Variants in SLC43A1 observed in about 807,000 individuals in gnomAD.
SLC43A1 encodes the protein large neutral amino acids transporter small subunit 3.
Under a neutral mutation model 59.5 loss-of-function variants are expected in SLC43A1, and 31 were observed. The observed-to-expected ratio is 0.52, with a 90% CI of 0.39 to 0.70. The LOEUF is 0.70. SLC43A1 is among the 30% of genes least tolerant of loss of function. The pLI, the probability that SLC43A1 is intolerant of heterozygous loss-of-function variation, is 0.00. For synonymous variants in SLC43A1, 259 were observed against 290.9 expected (o/e 0.89, Z 1.12); for missense variants, 598 against 717.8 (o/e 0.83, Z 1.91).
intron 6 of SLC43A1, among the ~76,000 whole-genome samples, 159 bp from the exon 7 acceptor site, chr11:57,496,323 G>C (rs1324616722): frequency 6.6e-6 from 1 of 152,192 alleles, no homozygotes; most frequent in Non-Finnish European, 1.5e-5. Flanking sequence ...TTTAGAGTCA[G>C]ACTCAGAAGA....
Position 57,501,164 on chromosome 11 carries a change from C to T in SLC43A1, c.320G>A (p.Arg107Gln), listed in dbSNP as rs1400740088. The change falls in exon 3 of 15, where the codon CGG (arginine) becomes CAG (glutamine). Residue 107 changes from arginine to glutamine, a missense_variant. Arg to Gln is a conservative substitution (Grantham distance 43). Transcript: ENST00000278426. Reference protein sequence around the residue: ...LMDRFGPRPVRLVGSACFTAS... With the variant: ...LMDRFGPRPVQLVGSACFTAS... ...CCAGCCACCTCACCTGCCAACCAGC[C>T]GCACGGGTCGGGGGCCAAAGCGGTC... 6 of 1,612,470 alleles carry T rather than the reference C, an allele frequency of 3.7e-6. No homozygotes were observed. The highest frequency in any genetic ancestry group is 5.1e-6 in the Non-Finnish European group (6 of 1,179,958).
At position 57,510,512 on chromosome 11, in the gene SLC43A1, C is replaced by T. The variant is rs556698645; in HGVS notation, c.154+3446G>A. Among the ~76,000 whole-genome samples, 21 of 143,266 alleles carry T rather than the reference C, an allele frequency of 1.5e-4. No individual in the cohort carries two copies. In the East Asian group the frequency reaches 4.0e-3, roughly 28 times the overall value. 94.0% of individuals were successfully genotyped at this position (143,266 alleles called of 152,430 possible). On this transcript the variant is annotated intron_variant, in intron 2 of 14. Coordinates refer to ENST00000278426, the MANE Select transcript of SLC43A1 (RefSeq NM_003627.6). Reference sequence around the variant, plus strand: ...TGGGCAACGACACATATTGTTGAGGCTACAAAGAAAGTGAACCCTCATCAC... The same window carrying T: ...TGGGCAACGACACATATTGTTGAGGTTACAAAGAAAGTGAACCCTCATCAC...
Position 57,509,647 on chromosome 11 carries a change from A to T in SLC43A1, c.154+4311T>A, listed in dbSNP as rs576873275. On this transcript the variant is annotated intron_variant, in intron 2 of 14. Transcript: ENST00000278426. Reference sequence around the variant, plus strand: ...GAAGGAAGGAAGGAAGGAAGGAAGGAAGGAGGGAGGGAGGGAGGAAGGGAA... The same window carrying T: ...GAAGGAAGGAAGGAAGGAAGGAAGGTAGGAGGGAGGGAGGGAGGAAGGGAA... Among the ~76,000 whole-genome samples the T allele has an allele frequency of 4.8e-3, 602 of 124,930 alleles. 7 individuals carry two copies. The highest frequency in any genetic ancestry group is 0.017 in the African/African-American group (563 of 33,156). The allele number at this position is 124,930 out of a possible 152,430, so 82.0% of individuals were successfully genotyped here.
Position 57,514,113 on chromosome 11 carries a change from C to G in SLC43A1, c.-2G>C, listed in dbSNP as rs139770316. On this transcript the variant is annotated 5_prime_UTR_variant, in exon 2 of 15. Coordinates refer to ENST00000278426, the MANE Select transcript of SLC43A1 (RefSeq NM_003627.6). This position sits in a 1 kb window ranked among gnomAD's most constrained non-coding sequence, Gnocchi z 5.5. ...CGCCTGTTGCAGCGTGGGGGCCATG[C>G]TGGCCCCGAGCCTGCACAGAAACAG... is the stretch of plus-strand genomic sequence containing the variant. 19 of 1,582,286 alleles carry G rather than the reference C, an allele frequency of 1.2e-5. 1 individual carries two copies. In the South Asian group the frequency reaches 1.7e-4, roughly 14 times the overall value.
intron 2 of SLC43A1, among the ~76,000 whole-genome samples, chr11:57,507,286 GGT>G (rs1425560662): frequency 1.3e-5 from 2 of 152,188 alleles, no homozygotes; most frequent in Admixed American, 6.5e-5. Context: ...TGGGCAACAT[GGT>G]GAAACCCCGT....
At chr11:57,504,870 CCAA>C (rs1944356015) in intron 2 of SLC43A1, among the ~76,000 whole-genome samples, 5 of 152,192 alleles carry the variant, frequency 3.3e-5, no homozygotes, top group Admixed American at 3.3e-4. Flanking sequence ...ATGAGTTTGA[CCAA>C]CGAGTTCATT....
chr11:57,497,081 G>A (rs995612412), intron 6 of SLC43A1, among the ~76,000 whole-genome samples: 3 of 152,008 alleles, frequency 2.0e-5, no homozygotes, highest in Non-Finnish European at 2.9e-5. Context: ...CCACCCATGC[G>A]CTCTCTCAAA....
At position 57,514,133 on chromosome 11, in the gene SLC43A1, A is replaced by T. The variant is rs1944621804; in HGVS notation, c.-13-9T>A. ...CCATGCTGGCCCCGAGCCTGCACAG[A>T]AACAGAGCGCTGGGTGAAGGGCCCC... is the stretch of plus-strand genomic sequence containing the variant. On this transcript the variant is annotated splice_polypyrimidine_tract_variant and intron_variant, in intron 1 of 14. Coordinates refer to ENST00000278426, the MANE Select transcript of SLC43A1 (RefSeq NM_003627.6). This position sits in a 1 kb window ranked among gnomAD's most constrained non-coding sequence, Gnocchi z 5.5. 2 of 1,571,624 alleles carry T rather than the reference A, an allele frequency of 1.3e-6. No homozygotes were observed. Among genetic ancestry groups the T allele is most frequent in the Admixed American group, 3.7e-5 (2 of 53,606 alleles).
At chr11:57,508,275 A>AAAAAAG (rs1944439612) in intron 2 of SLC43A1, among the ~76,000 whole-genome samples, 1 of 151,652 alleles carries the variant, frequency 6.6e-6, no homozygotes. Context: ...TCCAAAAAAA[A>AAAAAAG]AAAAGAAAAG....
intron 8 of SLC43A1, among the ~76,000 whole-genome samples, chr11:57,492,444 T>A (rs58752761): frequency 0.083 from 10,854 of 130,430 alleles, 531 homozygotes; most frequent in African/African-American, 0.11. Context: ...TATATATATA[T>A]AAAATATAAT....
At position 57,484,967 on chromosome 11, in the gene SLC43A1, C is replaced by A. The variant is rs78866474; in HGVS notation, c.*129G>T. 5,504 of 1,147,482 alleles carry A rather than the reference C, an allele frequency of 4.8e-3. 213 individuals are homozygous for A. In the African/African-American group the frequency reaches 0.077, roughly 16 times the overall value. The allele number at this position is 1,147,482 out of a possible 1,614,324, so 71.1% of individuals were successfully genotyped here. A position where few individuals can be genotyped will look rare whatever the true frequency, so the allele number is the denominator to read the frequency against. The stretch of plus-strand genomic sequence containing the variant: ...TGCAGTCTTTACAAAAATAGAACTT[C>A]TCTTGGTATTTATAAATCTACGGCC... On this transcript the variant is annotated 3_prime_UTR_variant, in exon 15 of 15. Transcript: ENST00000278426.
At chr11:57,508,755 A>G (rs1590780365) in intron 2 of SLC43A1, among the ~76,000 whole-genome samples, 1 of 151,924 alleles carries the variant, frequency 6.6e-6, no homozygotes, top group Admixed American at 6.6e-5. Flanking sequence ...ACACCACTGA[A>G]CTCCTGCCTA....
At chr11:57,512,499 A>C in intron 2 of SLC43A1, among the ~76,000 whole-genome samples, 1 of 151,478 alleles carries the variant, frequency 6.6e-6, no homozygotes, top group East Asian at 1.9e-4. Flanking sequence ...AGCGAAGATC[A>C]TGCCAATGCA....
At chr11:57,506,485 T>C (rs1328829000) in intron 2 of SLC43A1, among the ~76,000 whole-genome samples, 1 of 152,070 alleles carries the variant, frequency 6.6e-6, no homozygotes, top group East Asian at 1.9e-4. Context: ...GCAGTGAGCA[T>C]TGATCATGCC....
Position 57,489,295 on chromosome 11 carries a change from C to CA in SLC43A1, c.1290dup (p.Val431CysfsTer123). On this transcript the variant is annotated frameshift_variant, in exon 12 of 15. Coordinates refer to ENST00000278426, the MANE Select transcript of SLC43A1 (RefSeq NM_003627.6). LOFTEE classifies it high-confidence loss of function. ...ATGAGACAGGTGATGCCAAAACCCA[C>CA]AAGCAGCAGGTTGGTCAGGGTGAAG... 6.2e-7 allele frequency: 1 copy of CA among 1,614,196 alleles called. No homozygotes were observed. The highest frequency in any genetic ancestry group is 8.5e-7 in the Non-Finnish European group (1 of 1,180,042).
chr11:57,488,517 G>A (rs1199685239), intron 13 of SLC43A1, among the ~76,000 whole-genome samples: 1 of 152,156 alleles, frequency 6.6e-6, no homozygotes, highest in East Asian at 1.9e-4. Context: ...CATACACAGG[G>A]GAGAGTCCCT....
chr11:57,504,262 C>G (rs1944342070), intron 2 of SLC43A1, among the ~76,000 whole-genome samples: 1 of 152,174 alleles, frequency 6.6e-6, no homozygotes, highest in African/African-American at 2.4e-5. Context: ...TGGAGGCCAT[C>G]CCCTTTTGCC....
intron 14 of SLC43A1, among the ~76,000 whole-genome samples, chr11:57,485,834 A>G (rs1943713202): frequency 6.6e-6 from 1 of 152,252 alleles, no homozygotes. Context: ...AAAAAAAAGT[A>G]TGCATCATGC....
At chr11:57,492,287 A>AAT (rs1590751473) in intron 8 of SLC43A1, among the ~76,000 whole-genome samples, 2 of 141,496 alleles carry the variant, frequency 1.4e-5, no homozygotes, top group South Asian at 2.2e-4. Flanking sequence ...TATATATAAA[A>AAT]ATATATATAT....
Sources: gnomAD v4.1 joint callset for allele counts (sites outside exome capture counted in the v4.1 genomes callset) on GRCh38, gnomAD v4.1.1 for gene constraint, Gnocchi (gnomAD v3.1) non-coding constraint, MANE v1.5 for transcripts, NCBI Gene and HGNC (gene_info 2026-07-23, HGNC 2026-07-21) for gene names.